Variants in SOX5 observed in about 807,000 individuals in gnomAD.
SOX5 encodes transcription factor SOX-5.
In SOX5, 9 loss-of-function variants were observed where a neutral mutation model predicts 92.0. The observed-to-expected ratio is 0.10, with a 90% CI of 0.06 to 0.17. The LOEUF is 0.17. Among genes scored for constraint, SOX5 ranks in the 10% least tolerant of loss-of-function variants. The probability of loss-of-function intolerance (pLI) is 1.00; values close to 1 mark genes in which losing one functional copy is unlikely to be tolerated. For synonymous variants in SOX5, 344 were observed against 336.3 expected (o/e 1.02, Z -0.25); for missense variants, 642 against 944.5 (o/e 0.68, Z 4.20).
chr12:24,502,349 C>T (rs941538031), intron 1 of SOX5, among the ~76,000 whole-genome samples: 4 of 151,832 alleles, frequency 2.6e-5, no homozygotes, highest in Non-Finnish European at 5.9e-5. Flanking sequence ...AGGATATGGG[C>T]GTCAAACTGA....
intron 1 of SOX5, among the ~76,000 whole-genome samples, chr12:24,562,050 G>T (rs1954414464): frequency 6.6e-6 from 1 of 152,250 alleles, no homozygotes; most frequent in South Asian, 2.1e-4. Context: ...CCAAGCCGGC[G>T]CTCCAGGGTC....
intron 6 of SOX5, among the ~76,000 whole-genome samples, chr12:23,728,305 T>C (rs1020448857): frequency 6.6e-6 from 1 of 152,080 alleles, no homozygotes; most frequent in Non-Finnish European, 1.5e-5. Flanking sequence ...GCTGAAGGAG[T>C]TAATGCGTGT....
At chr12:24,074,461 A>T (rs1189856493) in intron 4 of SOX5, among the ~76,000 whole-genome samples, 2 of 152,036 alleles carry the variant, frequency 1.3e-5, no homozygotes, top group Non-Finnish European at 2.9e-5. Context: ...ATAGTTAAAC[A>T]TTGCTGTACA....
At chr12:24,364,587 T>C (rs976439426) in intron 2 of SOX5, among the ~76,000 whole-genome samples, 1 of 147,042 alleles carries the variant, frequency 6.8e-6, no homozygotes, top group South Asian at 2.1e-4. Context: ...AGTGAGAAAT[T>C]CACTTTTCCT....
intron 9 of SOX5, chr12:23,584,417 C>T (rs1012887079): frequency 2.8e-5 from 21 of 752,076 alleles, no homozygotes; most frequent in South Asian, 7.3e-5. Flanking sequence ...TCTGGTTATA[C>T]GCAGATAGGC....
intron 3 of SOX5, among the ~76,000 whole-genome samples, chr12:24,273,571 T>C (rs1245177687): frequency 6.6e-6 from 1 of 152,228 alleles, no homozygotes; most frequent in Non-Finnish European, 1.5e-5. Flanking sequence ...TGCCCATTTC[T>C]CTTGCATTTT....
intron 2 of SOX5, among the ~76,000 whole-genome samples, chr12:24,365,457 T>C (rs78328894): frequency 0.08 from 12,101 of 152,026 alleles, 667 homozygotes; most frequent in African/African-American, 0.16. Context: ...ATGATCACCA[T>C]GTAGGCATTT....
At chr12:23,612,434 A>G (rs1206790262) in intron 8 of SOX5, among the ~76,000 whole-genome samples, 2 of 152,184 alleles carry the variant, frequency 1.3e-5, no homozygotes, top group Non-Finnish European at 2.9e-5. Context: ...CTCACTCAAA[A>G]ATAAATAGCT....
At chr12:24,459,251 C>T (rs1009504118) in intron 1 of SOX5, among the ~76,000 whole-genome samples, 1 of 152,108 alleles carries the variant, frequency 6.6e-6, no homozygotes, top group African/African-American at 2.4e-5. Context: ...TTCTTGCGCA[C>T]GCTCCATCAA....
intron 4 of SOX5, among the ~76,000 whole-genome samples, chr12:24,005,571 C>T (rs1952067359): frequency 6.6e-6 from 1 of 152,142 alleles, no homozygotes; most frequent in African/African-American, 2.4e-5. Context: ...CCATTTGCAA[C>T]TTCATTGAAG....
chr12:23,929,127 A>G (rs541703186), intron 1 of SOX5, among the ~76,000 whole-genome samples: 3 of 152,072 alleles, frequency 2.0e-5, no homozygotes, highest in Non-Finnish European at 2.9e-5. Context: ...TGGAACAATC[A>G]GAAGAGATTT....
At chr12:23,803,545 C>A (rs1289726536) in intron 3 of SOX5, among the ~76,000 whole-genome samples, 1 of 152,150 alleles carries the variant, frequency 6.6e-6, no homozygotes, top group African/African-American at 2.4e-5. Context: ...AATTGCCCTA[C>A]CTTTGATCCA....
intron 4 of SOX5, among the ~76,000 whole-genome samples, chr12:23,963,151 C>T (rs1005270811): frequency 2.0e-5 from 3 of 152,126 alleles, no homozygotes; most frequent in South Asian, 2.1e-4. Context: ...TAAAAGAATA[C>T]TTTAATGGAT....
chr12:23,631,170 T>C (rs953165238), intron 8 of SOX5, among the ~76,000 whole-genome samples: 16 of 152,066 alleles, frequency 1.1e-4, no homozygotes, highest in Non-Finnish European at 1.2e-4. Flanking sequence ...AACCCCAGCA[T>C]TTGTTCCTCT....
At chr12:24,038,402 G>A (rs1415417552) in intron 4 of SOX5, among the ~76,000 whole-genome samples, 3 of 152,166 alleles carry the variant, frequency 2.0e-5, no homozygotes, top group Admixed American at 1.3e-4. Context: ...GTGACCCATA[G>A]AACAGGATTT....
chr12:24,093,620 C>T (rs1944944572), intron 4 of SOX5, among the ~76,000 whole-genome samples: 1 of 151,030 alleles, frequency 6.6e-6, no homozygotes, highest in Admixed American at 6.6e-5. Context: ...TTATATTGAT[C>T]TATATTAATA....
intron 3 of SOX5, among the ~76,000 whole-genome samples, chr12:24,260,954 G>A (rs1419326496): frequency 1.3e-5 from 2 of 152,074 alleles, no homozygotes; most frequent in Non-Finnish European, 2.9e-5. Context: ...TTGGACAAGG[G>A]CATTTTAATT....
At chr12:24,287,935 C>A (rs759069449) in intron 2 of SOX5, among the ~76,000 whole-genome samples, 10 of 152,130 alleles carry the variant, frequency 6.6e-5, no homozygotes, top group Non-Finnish European at 1.5e-4. Context: ...ACAGATCACA[C>A]CCAGGAGTAA....
intron 2 of SOX5, among the ~76,000 whole-genome samples, chr12:24,298,582 G>T (rs1288168608): frequency 6.6e-6 from 1 of 152,076 alleles, no homozygotes; most frequent in Admixed American, 6.5e-5. Context: ...TTATGTAGTA[G>T]CACCAGCAGC....
Sources: gnomAD v4.1 joint callset for allele counts (sites outside exome capture counted in the v4.1 genomes callset) on GRCh38, gnomAD v4.1.1 for gene constraint, MANE v1.5 for transcripts, NCBI Gene and HGNC (gene_info 2026-07-23, HGNC 2026-07-21) for gene names.